PTPRD: variants seen among roughly 807,000 people sequenced by gnomAD.
The protein encoded by PTPRD is receptor-type tyrosine-protein phosphatase delta.
In PTPRD, 34 loss-of-function variants were observed where a neutral mutation model predicts 214.5. The ratio of observed to expected loss-of-function variants is 0.16; its 90% CI spans 0.12 to 0.21. The LOEUF (loss-of-function observed/expected upper bound fraction) is 0.21. Ranked by LOEUF, PTPRD falls within the 10% of genes least tolerant of loss-of-function variation. PTPRD has a pLI of 1.00. For missense variants in PTPRD, 2,545 were observed against 2,398.7 expected (o/e 1.06, Z -1.27); for synonymous variants, 1,128 against 845.7 (o/e 1.33, Z -5.79).
At chr9:10,225,561 A>C (rs927940320) in intron 3 of PTPRD, among the ~76,000 whole-genome samples, 4 of 152,030 alleles carry the variant, frequency 2.6e-5, no homozygotes, top group African/African-American at 9.7e-5. Flanking sequence ...CCATGAACAG[A>C]AGCTGCTGTG....
chr9:8,555,227 G>A (rs565968358), intron 14 of PTPRD, among the ~76,000 whole-genome samples: 63 of 152,084 alleles, frequency 4.1e-4, no homozygotes, highest in Non-Finnish European at 8.4e-4. Flanking sequence ...AACATGGCAA[G>A]ACCCTGTCTG....
At chr9:9,046,386 T>C (rs2099672206) in intron 10 of PTPRD, among the ~76,000 whole-genome samples, 1 of 152,192 alleles carries the variant, frequency 6.6e-6, no homozygotes, top group South Asian at 2.1e-4. Context: ...TCAATTGTTT[T>C]TATAAAATTT....
At chr9:10,434,533 C>G (rs1434890931) in intron 2 of PTPRD, among the ~76,000 whole-genome samples, 4 of 151,818 alleles carry the variant, frequency 2.6e-5, no homozygotes, top group Non-Finnish European at 5.9e-5. Context: ...GACATTCTTT[C>G]TCTTAAAAAA....
At chr9:10,203,170 T>TC (rs1491122057) in intron 3 of PTPRD, among the ~76,000 whole-genome samples, 90 of 117,158 alleles carry the variant, frequency 7.7e-4, no homozygotes, top group African/African-American at 1.9e-3. Context: ...CCTCTCTCTC[T>TC]TTTTTTTTTT....
At chr9:9,787,204 T>C (rs1465172060) in intron 5 of PTPRD, among the ~76,000 whole-genome samples, 1 of 151,768 alleles carries the variant, frequency 6.6e-6, no homozygotes. Flanking sequence ...AACTAGATTT[T>C]ATAAAATATT....
At chr9:9,434,000 C>A (rs2084213712) in intron 8 of PTPRD, among the ~76,000 whole-genome samples, 1 of 152,170 alleles carries the variant, frequency 6.6e-6, no homozygotes, top group South Asian at 2.1e-4. Context: ...AAATAATTTG[C>A]CTAGACAAAG....
In PTPRD at chr9:8,703,917, G is replaced by A. The variant is rs115823017; in HGVS notation, c.64+29863C>T. Among the ~76,000 whole-genome samples, 563 of 152,186 alleles carry A rather than the reference G, an allele frequency of 3.7e-3. 2 individuals carry two copies. Among genetic ancestry groups the A allele is most frequent in the African/African-American group, 0.013 (538 of 41,500 alleles). On this transcript the variant is annotated intron_variant, in intron 12 of 45. Coordinates refer to ENST00000381196, the MANE Select transcript of PTPRD (RefSeq NM_002839.4). Reference sequence around the variant, plus strand: ...AAGCCAAACAACTCTACCCTCCTCCGAGTGTTTCTTATCAATAAATACTAC... The same window carrying A: ...AAGCCAAACAACTCTACCCTCCTCCAAGTGTTTCTTATCAATAAATACTAC...
intron 12 of PTPRD, among the ~76,000 whole-genome samples, chr9:8,657,165 T>C (rs1474128410): frequency 4.7e-5 from 4 of 84,574 alleles, no homozygotes; most frequent in Non-Finnish European, 5.1e-5. Context: ...TTTTGCCCAC[T>C]TTTTTTTTTT....
At chr9:10,019,119 T>C (rs10958821) in intron 4 of PTPRD, among the ~76,000 whole-genome samples, 25,738 of 151,940 alleles carry the variant, frequency 0.17, 2,706 homozygotes, top group South Asian at 0.28. Flanking sequence ...GGGCGAAAGA[T>C]ATGAACAGAC....
intron 14 of PTPRD, among the ~76,000 whole-genome samples, chr9:8,618,866 TTGTGTGTGTGTGTGTGTG>T (rs371767469): frequency 7.6e-6 from 1 of 130,928 alleles, no homozygotes; most frequent in South Asian, 2.6e-4. Flanking sequence ...CCAGCTAATT[TTGTGTGTGTGTGTGTGTG>T]TGTGTGTGTG....
chr9:10,538,840 G>C (rs2058466077), intron 2 of PTPRD, among the ~76,000 whole-genome samples: 1 of 152,050 alleles, frequency 6.6e-6, no homozygotes, highest in Non-Finnish European at 1.5e-5. Context: ...TAAATATCTT[G>C]AATCTTGATA....
chr9:10,542,754 T>G (rs868767476), intron 2 of PTPRD, among the ~76,000 whole-genome samples: 6 of 152,234 alleles, frequency 3.9e-5, no homozygotes, highest in African/African-American at 1.2e-4. Context: ...GTTTCACTCT[T>G]GTTGCCCAGG....
chr9:10,484,401 T>A (rs1244970494), intron 2 of PTPRD, among the ~76,000 whole-genome samples: 1 of 152,040 alleles, frequency 6.6e-6, no homozygotes, highest in African/African-American at 2.4e-5. Flanking sequence ...ATACAATTCA[T>A]CTATGTAACC....
At chr9:8,910,229 G>A (rs1008302128) in intron 11 of PTPRD, among the ~76,000 whole-genome samples, 1 of 151,758 alleles carries the variant, frequency 6.6e-6, no homozygotes, top group Non-Finnish European at 1.5e-5. Flanking sequence ...AGTAGAGACG[G>A]GATTTCACCG....
intron 11 of PTPRD, among the ~76,000 whole-genome samples, chr9:8,856,276 A>G (rs908934386): frequency 1.3e-5 from 2 of 152,140 alleles, no homozygotes; most frequent in African/African-American, 4.8e-5. Flanking sequence ...GTTTTACTCA[A>G]GTTGAGTGGT....
chr9:9,314,751 T>A (rs551031466), intron 9 of PTPRD, among the ~76,000 whole-genome samples: 1 of 152,126 alleles, frequency 6.6e-6, no homozygotes, highest in Non-Finnish European at 1.5e-5. Flanking sequence ...GAATGGTTTT[T>A]ATTTTCATTC....
At chr9:9,894,015 T>C (rs560910585) in intron 5 of PTPRD, among the ~76,000 whole-genome samples, 3 of 152,204 alleles carry the variant, frequency 2.0e-5, no homozygotes, top group Admixed American at 2.0e-4. Context: ...GGTTTCACAA[T>C]GTTGCTCAGG....
intron 7 of PTPRD, among the ~76,000 whole-genome samples, chr9:9,685,229 G>A (rs1362040587): frequency 6.7e-6 from 1 of 149,518 alleles, no homozygotes; most frequent in East Asian, 2.0e-4. Flanking sequence ...TTAAATGTGT[G>A]GTTATTTTTG....
chr9:9,548,160 A>C (rs769965034), intron 8 of PTPRD, among the ~76,000 whole-genome samples: 1 of 151,948 alleles, frequency 6.6e-6, no homozygotes, highest in Non-Finnish European at 1.5e-5. Context: ...AAGTTAAATG[A>C]AAATGATACT....
Sources: gnomAD v4.1 joint callset for allele counts (sites outside exome capture counted in the v4.1 genomes callset) on GRCh38, gnomAD v4.1.1 for gene constraint, MANE v1.5 for transcripts, NCBI Gene and HGNC (gene_info 2026-07-23, HGNC 2026-07-21) for gene names.